Variants in SIK2 observed in about 807,000 individuals in gnomAD.
The protein encoded by SIK2 is salt inducible kinase 2.
A neutral mutation model predicts 103.2 loss-of-function variants in SIK2; 29 were observed. That is an observed-to-expected ratio of 0.28 (90% CI 0.21 to 0.38). The LOEUF (loss-of-function observed/expected upper bound fraction) is 0.38, where lower values mean the gene tolerates loss of function less well. Among genes scored for constraint, SIK2 ranks in the 10% least tolerant of loss-of-function variants. The pLI is 1.00. For synonymous variants in SIK2, 412 were observed against 446.1 expected, an observed-to-expected ratio of 0.92 and a Z score of 0.96; for missense variants, 879 against 1,171.0, an observed-to-expected ratio of 0.75 and a Z score of 3.64.
intron 3 of SIK2, among the ~76,000 whole-genome samples, chr11:111,651,427 C>T (rs1942324566): frequency 1.3e-5 from 2 of 152,006 alleles, no homozygotes; most frequent in Non-Finnish European, 1.5e-5. Context: ...AAACTAATGC[C>T]GGAACAAAAA....
intron 3 of SIK2, among the ~76,000 whole-genome samples, chr11:111,674,643 A>G (rs1942678160): frequency 6.6e-6 from 1 of 152,246 alleles, no homozygotes; most frequent in African/African-American, 2.4e-5. Flanking sequence ...TAAATTGTGT[A>G]GTGAAAATGT....
intron 1 of SIK2, among the ~76,000 whole-genome samples, chr11:111,613,669 A>C (rs918900049): frequency 6.6e-6 from 1 of 152,316 alleles, no homozygotes; most frequent in African/African-American, 2.4e-5. Context: ...CTTGCCTAGC[A>C]GTCAAAGTTT....
intron 3 of SIK2, among the ~76,000 whole-genome samples, chr11:111,639,696 A>G (rs1233387931): frequency 1.3e-5 from 2 of 152,132 alleles, no homozygotes; most frequent in African/African-American, 4.8e-5. Flanking sequence ...CTTTGATTGT[A>G]TATGCATCTT....
intron 1 of SIK2, among the ~76,000 whole-genome samples, chr11:111,604,782 G>T (rs1463909074): frequency 6.6e-6 from 1 of 152,166 alleles, no homozygotes; most frequent in Non-Finnish European, 1.5e-5. Context: ...CTTTTCTAAA[G>T]AAGCTGTTAT....
chr11:111,655,528 T>G (rs1241187322), intron 3 of SIK2, among the ~76,000 whole-genome samples: 1 of 152,264 alleles, frequency 6.6e-6, no homozygotes, highest in East Asian at 1.9e-4. Context: ...TGTTTTATAT[T>G]AACTGCTGCT....
rs1029181022 is a variant in SIK2, at chr11:111,687,857, A to T, written c.317-144A>T. 21 of 707,726 alleles carry T rather than the reference A, an allele frequency of 3.0e-5. No individual in the cohort carries two copies. In the African/African-American group the frequency reaches 3.8e-4, roughly 13 times the overall value. The allele number at this position is 707,726 out of a possible 1,614,324, so 43.8% of individuals were successfully genotyped here. ...CCTGACCTCGTGATCTGCCCACCTC[A>T]GCCTCCCAAAGTGCTGGGACTACAG... On this transcript the variant is annotated intron_variant, in intron 3 of 14. Transcript: ENST00000304987.
At chr11:111,673,856 C>T (rs1166168983) in intron 3 of SIK2, among the ~76,000 whole-genome samples, 1 of 152,010 alleles carries the variant, frequency 6.6e-6, no homozygotes, top group Non-Finnish European at 1.5e-5. Context: ...GGTGGATCAC[C>T]TGAGGTCAGG....
intron 4 of SIK2, among the ~76,000 whole-genome samples, chr11:111,692,789 A>G (rs1257578326): frequency 6.6e-6 from 1 of 151,962 alleles, no homozygotes; most frequent in Admixed American, 6.5e-5. Context: ...TTACAAAGTT[A>G]TTCCCTCAAA....
At chr11:111,607,600 C>T (rs1347221739) in intron 1 of SIK2, among the ~76,000 whole-genome samples, 1 of 152,062 alleles carries the variant, frequency 6.6e-6, no homozygotes, top group Non-Finnish European at 1.5e-5. Flanking sequence ...GACTTGTTAC[C>T]AAATAACTCA....
At position 111,620,401 on chromosome 11, in the gene SIK2, T is replaced by G; in HGVS notation, c.315T>G (p.Phe105Leu). The G allele has an allele frequency of 6.3e-7, 1 of 1,587,734 alleles. No individual in the cohort carries two copies. Among genetic ancestry groups the G allele is most frequent in the Non-Finnish European group, 8.6e-7 (1 of 1,167,758 alleles). Reference protein sequence around the residue: ...VTEYAKNGEIFDYLANHGRLN... With the variant: ...VTEYAKNGEILDYLANHGRLN... Reference sequence around the variant, plus strand: ...AATATGCCAAAAATGGAGAAATTTTTGGTAAGCTTTTTCCTTTAAATTTTC... The same window carrying G: ...AATATGCCAAAAATGGAGAAATTTTGGGTAAGCTTTTTCCTTTAAATTTTC... Residue 105 changes from phenylalanine (F) to leucine (L), a missense_variant and splice_region_variant, in exon 3 of 15, where the codon TTT becomes TTG. This residue lies in a region of SIK2 where 126 missense variants were observed against 245.5 expected (regional missense o/e 0.51). Coordinates refer to ENST00000304987, the MANE Select transcript of SIK2 (RefSeq NM_015191.3).
intron 1 of SIK2, among the ~76,000 whole-genome samples, chr11:111,603,454 G>A (rs1205021837): frequency 6.6e-6 from 1 of 152,132 alleles, no homozygotes; most frequent in African/African-American, 2.4e-5. Context: ...CATTCTGGCT[G>A]TAATACGCAT....
At position 111,703,403 on chromosome 11, in the gene SIK2, G is replaced by T; in HGVS notation, c.928G>T (p.Asp310Tyr). 6.2e-7 allele frequency: 1 copy of T among 1,613,842 alleles called. No homozygotes were observed. Among genetic ancestry groups the T allele is most frequent in the Non-Finnish European group, 8.5e-7 (1 of 1,179,874 alleles). ...VLRLMHSLGIDQQKTIESLQN... is the reference protein window; with the variant it reads ...VLRLMHSLGIYQQKTIESLQN... ...GCGACTGATGCACAGCCTTGGAATAGATCAGCAGAAAACCATTGAGGTAAA... is the reference window on the plus strand; with the variant it reads ...GCGACTGATGCACAGCCTTGGAATATATCAGCAGAAAACCATTGAGGTAAA... Residue 310 changes from aspartate to tyrosine, a missense_variant, in exon 7 of 15, where the codon GAT (aspartate) becomes TAT (tyrosine). Coordinates refer to ENST00000304987, the MANE Select transcript of SIK2 (RefSeq NM_015191.3).
intron 3 of SIK2, among the ~76,000 whole-genome samples, chr11:111,631,112 T>A (rs1056028824): frequency 5.9e-5 from 9 of 152,118 alleles, no homozygotes; most frequent in African/African-American, 1.9e-4. Context: ...TCTGAAAAGG[T>A]GTGCATTGGT....
rs1204055565 is a variant in SIK2, at chr11:111,688,668, G to A, written c.478+506G>A. Among the ~76,000 whole-genome samples, 4 of 152,190 alleles carry A rather than the reference G, an allele frequency of 2.6e-5. No individual in the cohort carries two copies. The highest frequency in any genetic ancestry group is 1.5e-5 in the Non-Finnish European group (1 of 68,018). The stretch of plus-strand genomic sequence containing the variant: ...TAACATGAAAATTAAGTTGGGTAGA[G>A]ATTAGTTTGCCTGTTTTTCTCCTTG... On this transcript the variant is annotated intron_variant, in intron 4 of 14. Transcript: ENST00000304987. This position sits in a 1 kb window ranked among gnomAD's most constrained non-coding sequence, Gnocchi z 4.2.
intron 1 of SIK2, among the ~76,000 whole-genome samples, chr11:111,607,313 G>A (rs1482241692): frequency 1.3e-5 from 2 of 152,102 alleles, no homozygotes; most frequent in Non-Finnish European, 2.9e-5. Context: ...TTTATAGTTA[G>A]GCCTAATTCT....
chr11:111,636,861 A>G (rs1025739661), intron 3 of SIK2, among the ~76,000 whole-genome samples: 2 of 152,192 alleles, frequency 1.3e-5, no homozygotes, highest in Non-Finnish European at 2.9e-5. Context: ...AAGCGATTCA[A>G]TTCCTGATCC....
intron 1 of SIK2, among the ~76,000 whole-genome samples, chr11:111,611,382 T>C (rs867846154): frequency 6.6e-6 from 1 of 152,196 alleles, no homozygotes; most frequent in Admixed American, 6.5e-5. Flanking sequence ...ACTAAATTGC[T>C]TCCCAGAAAA....
intron 3 of SIK2, among the ~76,000 whole-genome samples, chr11:111,663,066 C>G (rs1248857538): frequency 6.6e-6 from 1 of 151,764 alleles, no homozygotes; most frequent in East Asian, 1.9e-4. Flanking sequence ...AACCCCATCT[C>G]TACAAAAAAT....
At chr11:111,618,618 G>A (rs1010950106) in intron 2 of SIK2, among the ~76,000 whole-genome samples, 3 of 152,018 alleles carry the variant, frequency 2.0e-5, no homozygotes, top group Non-Finnish European at 2.9e-5. Context: ...CACCTTAATT[G>A]CACCTGTGAA....
Sources: allele counts gnomAD v4.1 joint callset (sites outside exome capture counted in the v4.1 genomes callset), GRCh38; gene constraint gnomAD v4.1.1; regional missense constraint gnomAD v4.1.1; non-coding constraint Gnocchi (gnomAD v3.1); transcripts MANE v1.5; gene names NCBI Gene and HGNC (gene_info 2026-07-23, HGNC 2026-07-21).